Variants in GRAMD1B observed in about 807,000 individuals in gnomAD.
GRAMD1B encodes the protein protein Aster-B.
In GRAMD1B, 37 loss-of-function variants were observed where a neutral mutation model predicts 99.7. That is an observed-to-expected ratio of 0.37 (90% CI 0.29 to 0.49). GRAMD1B has a LOEUF of 0.49. GRAMD1B is among the 20% of genes least tolerant of loss of function. The pLI is 0.98. For missense variants in GRAMD1B, 888 were observed against 1,009.2 expected (o/e 0.88, Z 1.63); for synonymous variants, 427 against 387.6 (o/e 1.10, Z -1.19).
intron 1 of GRAMD1B, among the ~76,000 whole-genome samples, chr11:123,419,272 T>G (rs1948338306): frequency 6.6e-6 from 1 of 152,134 alleles, no homozygotes; most frequent in African/African-American, 2.4e-5. Context: ...AGTGATACTG[T>G]CCCCAACAGG....
intron 3 of GRAMD1B, among the ~76,000 whole-genome samples, chr11:123,583,391 T>C (rs1041585450): frequency 4.6e-5 from 2 of 43,690 alleles, no homozygotes; most frequent in Non-Finnish European, 1.2e-4. Context: ...GGTGTGTATG[T>C]GTGCGTGTGT....
chr11:123,618,636 C>T (rs1954752153), intron 17 of GRAMD1B, 57 bp from the exon 18 acceptor site: 1 of 999,952 alleles, frequency 1.0e-6, no homozygotes, highest in Non-Finnish European at 1.6e-6. Flanking sequence ...TGGGGGATGT[C>T]CTAGGCTCAG....
chr11:123,500,499 T>C (rs1407243370), intron 2 of GRAMD1B, among the ~76,000 whole-genome samples: 2 of 152,154 alleles, frequency 1.3e-5, no homozygotes, highest in Non-Finnish European at 2.9e-5. Context: ...CTAAAATTAA[T>C]TGGAGTCTTT....
chr11:123,568,210 A>G (rs1044626959), intron 2 of GRAMD1B, among the ~76,000 whole-genome samples: 8 of 152,180 alleles, frequency 5.3e-5, no homozygotes, highest in African/African-American at 9.7e-5. Context: ...AATTATCTAC[A>G]CAGTATTTAC....
intron 1 of GRAMD1B, chr11:123,435,431 A>G: frequency 1.4e-6 from 1 of 702,494 alleles, no homozygotes; most frequent in Non-Finnish European, 2.6e-6. Context: ...CACTGACTTG[A>G]AGCTCAAGCT....
Position 123,430,877 on chromosome 11 carries a change from G to A in GRAMD1B, c.85G>A (p.Val29Ile), listed in dbSNP as rs1487984291. 1 of 702,258 alleles carries A rather than the reference G, an allele frequency of 1.4e-6. No homozygotes were observed. The highest frequency in any genetic ancestry group is 2.6e-6 in the Non-Finnish European group (1 of 384,780). The allele number at this position is 702,258 out of a possible 1,614,324, so 43.5% of individuals were successfully genotyped here. A position where few individuals can be genotyped will look rare whatever the true frequency, so the allele number is the denominator to read the frequency against. ...GCAGGGTGCGCCCGAGGGCAGCCCG[G>A]TCTGGTCCAGTTCGTCGACCCCCAC... ...EPQGAPEGSP[V>I]WSSSSTPTLR... Residue 29 changes from valine to isoleucine, a missense_variant, in exon 1 of 20, where the codon GTC becomes ATC. Physicochemically the swap from Val to Ile is conservative, Grantham distance 29. This residue lies in a region of GRAMD1B where 233 missense variants were observed against 154.6 expected (regional missense o/e 1.51). Coordinates refer to ENST00000635736, the MANE Select transcript of GRAMD1B (RefSeq NM_001387025.1).
At chr11:123,608,968 G>A (rs1206044018) in intron 12 of GRAMD1B, among the ~76,000 whole-genome samples, 166 bp downstream of exon 12, 1 of 151,996 alleles carries the variant, frequency 6.6e-6, no homozygotes, top group Non-Finnish European at 1.5e-5. Flanking sequence ...TGGTTCGGGA[G>A]CTCCTTCAGG....
intron 1 of GRAMD1B, among the ~76,000 whole-genome samples, chr11:123,413,120 G>A (rs1164895135): frequency 6.6e-6 from 1 of 152,110 alleles, no homozygotes; most frequent in Non-Finnish European, 1.5e-5. Context: ...TGCACTTAGA[G>A]CCAAATTCAT....
chr11:123,520,776 CAA>C (rs11219185), intron 2 of GRAMD1B, among the ~76,000 whole-genome samples: 75 of 103,654 alleles, frequency 7.2e-4, no homozygotes, highest in African/African-American at 1.5e-3. Context: ...GAGACCCTGT[CAA>C]AAAAAAAAAA....
chr11:123,554,459 T>C, intron 2 of GRAMD1B, among the ~76,000 whole-genome samples: 1 of 133,386 alleles, frequency 7.5e-6, no homozygotes, highest in East Asian at 2.2e-4. Context: ...GCCGCCAAGG[T>C]GGGAGGATCG....
At chr11:123,400,009 G>A (rs919297407) in intron 1 of GRAMD1B, among the ~76,000 whole-genome samples, 1 of 152,140 alleles carries the variant, frequency 6.6e-6, no homozygotes, top group African/African-American at 2.4e-5. Flanking sequence ...GTCTTCTTTA[G>A]AGAAATGTCT....
At chr11:123,611,340 G>A (rs1032230377) in intron 14 of GRAMD1B, among the ~76,000 whole-genome samples, 20 of 152,044 alleles carry the variant, frequency 1.3e-4, no homozygotes, top group African/African-American at 4.3e-4. Context: ...AGGCTGAGGT[G>A]GGAGGATTGC....
chr11:123,370,492 C>T (rs1284714543), intron 1 of GRAMD1B, among the ~76,000 whole-genome samples: 3 of 151,904 alleles, frequency 2.0e-5, no homozygotes, highest in Admixed American at 6.6e-5. Context: ...AGTCACATGC[C>T]ACCACACCTG....
rs1375173903 is a variant in GRAMD1B at position 123,626,134 on chromosome 11, C to T, written c.*3539C>T. 6.6e-6 allele frequency: 1 copy of T among 152,188 alleles called. No individual in the cohort carries two copies. The highest frequency in any genetic ancestry group is 1.9e-4 in the East Asian group (1 of 5,188). The allele number at this position is 152,188 out of a possible 1,614,324, so 9.4% of individuals were successfully genotyped here. On this transcript the variant is annotated 3_prime_UTR_variant, in exon 20 of 20. Coordinates refer to ENST00000635736, the MANE Select transcript of GRAMD1B (RefSeq NM_001387025.1). ...CTTCTATCTCTAGGGTCTGTTCAGC[C>T]TTTCATCTATCCATCCTTCCTCTTT...
intron 1 of GRAMD1B, among the ~76,000 whole-genome samples, chr11:123,373,634 G>T (rs995039779): frequency 6.6e-6 from 1 of 152,196 alleles, no homozygotes; most frequent in African/African-American, 2.4e-5. Context: ...TCTCCAAGGT[G>T]TATGTATGTC....
intron 1 of GRAMD1B, among the ~76,000 whole-genome samples, chr11:123,434,230 C>CAAAAAA (rs33942028): frequency 2.7e-5 from 2 of 73,008 alleles, no homozygotes; most frequent in Non-Finnish European, 4.9e-5. Flanking sequence ...ACTCCGTTTC[C>CAAAAAA]AAAAAAAAAA....
intron 1 of GRAMD1B, among the ~76,000 whole-genome samples, chr11:123,476,714 T>C (rs1037276489): frequency 3.3e-5 from 5 of 152,226 alleles, no homozygotes; most frequent in African/African-American, 1.2e-4. Flanking sequence ...TGATCATCTT[T>C]ACAGTACTGT....
At position 123,606,650 on chromosome 11, in the gene GRAMD1B, C is replaced by G. The variant is rs756933883; in HGVS notation, c.1365C>G (p.Asp455Glu). The part of the protein sequence containing the change: ...LPLEEEALEG[D>E]GSLEKELAID... Reference sequence around the variant, plus strand: ...TGGAGGAAGAGGCGCTGGAGGGAGACGGGTCCCTGGAAAAGGAGCTCGCCA... The same window carrying G: ...TGGAGGAAGAGGCGCTGGAGGGAGAGGGGTCCCTGGAAAAGGAGCTCGCCA... The change falls in exon 11 of 20, where the codon GAC becomes GAG. Residue 455 changes from aspartate to glutamate, a missense_variant. Asp to Glu is a conservative substitution (Grantham distance 45, BLOSUM62 2). This residue lies in a region of GRAMD1B where 269 missense variants were observed against 296.6 expected (regional missense o/e 0.91). Transcript: ENST00000635736. The G allele has an allele frequency of 7.4e-6, 12 of 1,612,672 alleles. No individual in the cohort carries two copies. In the African/African-American group the frequency reaches 1.1e-4, roughly 14 times the overall value.
chr11:123,492,010 C>T lies in GRAMD1B; in HGVS notation c.452+11117C>T, dbSNP rs1246519664. Reference sequence around the variant, plus strand: ...AGGTTTGGGATTGCCTGGGTTGGCTCCCATGTTTGGAGATATTGTAGGTCC... The same window carrying T: ...AGGTTTGGGATTGCCTGGGTTGGCTTCCATGTTTGGAGATATTGTAGGTCC... On this transcript the variant is annotated intron_variant, in intron 2 of 19. Transcript: ENST00000635736. This position sits in a 1 kb window ranked among gnomAD's most constrained non-coding sequence, Gnocchi z 4.2. The T allele has an allele frequency of 7.5e-6, 3 of 398,538 alleles. No individual in the cohort carries two copies. The highest frequency in any genetic ancestry group is 1.3e-5 in the Non-Finnish European group (3 of 225,900). 24.7% of individuals were successfully genotyped at this position (398,538 alleles called of 1,614,324 possible).
Sources: gnomAD v4.1 joint callset for allele counts (sites outside exome capture counted in the v4.1 genomes callset) on GRCh38, gnomAD v4.1.1 for gene constraint, gnomAD v4.1.1 regional missense constraint, Gnocchi (gnomAD v3.1) non-coding constraint, MANE v1.5 for transcripts, NCBI Gene and HGNC (gene_info 2026-07-23, HGNC 2026-07-21) for gene names.